Variants in GALNT17 observed in about 807,000 individuals in gnomAD.
GALNT17 encodes polypeptide N-acetylgalactosaminyltransferase 17.
GALNT17 carries 29 observed loss-of-function variants against 63.7 expected under a neutral mutation model. The ratio of observed to expected loss-of-function variants is 0.46; its 90% CI spans 0.34 to 0.62. The LOEUF (loss-of-function observed/expected upper bound fraction) is 0.62, where lower values mean the gene tolerates loss of function less well. Among genes scored for constraint, GALNT17 ranks in the 20% least tolerant of loss-of-function variants. The probability of loss-of-function intolerance (pLI) is 0.01; values close to 1 mark genes in which losing one functional copy is unlikely to be tolerated. For synonymous variants in GALNT17, 305 were observed against 318.3 expected (o/e 0.96, Z 0.45); for missense variants, 603 against 799.6 (o/e 0.75, Z 2.97).
At chr7:71,621,690 A>G (rs961032655) in intron 6 of GALNT17, among the ~76,000 whole-genome samples, 4 of 152,246 alleles carry the variant, frequency 2.6e-5, no homozygotes, top group African/African-American at 9.6e-5. Flanking sequence ...TGGACAACAG[A>G]TAAAAATATT....
In GALNT17 at chr7:71,559,897, CA is replaced by C. The variant is rs749844466; in HGVS notation, c.963-11375del. Among the ~76,000 whole-genome samples, 411 of 97,436 alleles carry C rather than the reference CA, an allele frequency of 4.2e-3. 2 individuals carry two copies. Among genetic ancestry groups the C allele is most frequent in the African/African-American group, 0.012 (257 of 21,588 alleles). The allele number at this position is 97,436 out of a possible 152,430, so 63.9% of individuals were successfully genotyped here. A position where few individuals can be genotyped will look rare whatever the true frequency, so the allele number is the denominator to read the frequency against. ...AGAAACACATTTTCAACATTAAAAA[CA>C]AAAAAAAAAAAATCAGCCAGGCGCG... On this transcript the variant is annotated intron_variant, in intron 5 of 10. Coordinates refer to ENST00000333538, the MANE Select transcript of GALNT17 (RefSeq NM_022479.3).
At chr7:71,166,616 C>G (rs2116270208) in intron 1 of GALNT17, among the ~76,000 whole-genome samples, 1 of 152,278 alleles carries the variant, frequency 6.6e-6, no homozygotes, top group East Asian at 1.9e-4. Context: ...AGCACATATT[C>G]TTTTTTGTCT....
intron 1 of GALNT17, among the ~76,000 whole-genome samples, chr7:71,265,889 C>T (rs764112736): frequency 6.6e-6 from 1 of 152,168 alleles, no homozygotes; most frequent in Non-Finnish European, 1.5e-5. Flanking sequence ...AAACACCACA[C>T]ATTTATTCTT....
chr7:71,179,465 T>C (rs1402193446), intron 1 of GALNT17, among the ~76,000 whole-genome samples: 2 of 152,252 alleles, frequency 1.3e-5, no homozygotes, highest in African/African-American at 2.4e-5. Flanking sequence ...TCCTCAACTT[T>C]GGCAGAATAA....
At chr7:71,554,509 C>T (rs1789130731) in intron 5 of GALNT17, among the ~76,000 whole-genome samples, 1 of 152,162 alleles carries the variant, frequency 6.6e-6, no homozygotes, top group South Asian at 2.1e-4. Context: ...TACACCTCCC[C>T]TTCGCCTGGG....
chr7:71,368,466 A>G (rs1176324014), intron 2 of GALNT17, among the ~76,000 whole-genome samples: 1 of 152,030 alleles, frequency 6.6e-6, no homozygotes, highest in East Asian at 1.9e-4. Flanking sequence ...TCACCTGGAA[A>G]TTACTTACTC....
chr7:71,612,480 G>T (rs990602227), intron 6 of GALNT17, among the ~76,000 whole-genome samples: 1 of 152,246 alleles, frequency 6.6e-6, no homozygotes, highest in Non-Finnish European at 1.5e-5. Context: ...AATGCGTAAA[G>T]AAGAGGTTGT....
At chr7:71,458,422 A>G (rs1787392635) in intron 5 of GALNT17, among the ~76,000 whole-genome samples, 1 of 152,160 alleles carries the variant, frequency 6.6e-6, no homozygotes, top group African/African-American at 2.4e-5. Flanking sequence ...GGTAGCATCT[A>G]AGATGGGTGC....
intron 6 of GALNT17, among the ~76,000 whole-genome samples, chr7:71,629,101 G>A (rs780070287): frequency 2.0e-5 from 3 of 152,118 alleles, no homozygotes; most frequent in Non-Finnish European, 4.4e-5. Flanking sequence ...GAGTTGGCTG[G>A]TGGAGAAGAA....
intron 5 of GALNT17, among the ~76,000 whole-genome samples, chr7:71,535,985 G>A (rs1005578297): frequency 6.6e-6 from 1 of 152,188 alleles, no homozygotes; most frequent in East Asian, 1.9e-4. Context: ...TAACACCGCA[G>A]CCAGGCCATT....
intron 1 of GALNT17, among the ~76,000 whole-genome samples, chr7:71,230,452 A>T (rs1228837326): frequency 6.6e-6 from 1 of 152,118 alleles, no homozygotes. Flanking sequence ...CAGCATCAGG[A>T]GAACAACAGC....
At chr7:71,471,093 T>C (rs1252395681) in intron 5 of GALNT17, among the ~76,000 whole-genome samples, 2 of 152,062 alleles carry the variant, frequency 1.3e-5, no homozygotes, top group South Asian at 2.1e-4. Flanking sequence ...GTTTTTTTTC[T>C]TTTCCCCAGT....
At chr7:71,381,278 A>G (rs1792842660) in intron 2 of GALNT17, among the ~76,000 whole-genome samples, 2 of 151,760 alleles carry the variant, frequency 1.3e-5, no homozygotes, top group African/African-American at 2.4e-5. Context: ...AGGGATTTTT[A>G]TTTCTAACAA....
rs1787707447 is a variant in GALNT17 at position 71,132,808 on chromosome 7, T to C, written c.6T>C (p.Ala2=). The change falls in exon 1 of 11, where the codon GCT becomes GCC. Residue 2 remains alanine, a synonymous_variant. Coordinates refer to ENST00000333538, the MANE Select transcript of GALNT17 (RefSeq NM_022479.3). ...AGGGCCGGCCGGGCTGTTTGATGGC[T>C]TCACTGAGAAGAGTCAAAGTGCTGT... The part of the protein sequence containing the change: M[A]SLRRVKVLLV... The C allele has an allele frequency of 6.2e-7, 1 of 1,602,358 alleles. No homozygotes were observed. The highest frequency in any genetic ancestry group is 1.1e-5 in the South Asian group (1 of 89,768).
At chr7:71,249,024 G>T (rs1790150463) in intron 1 of GALNT17, among the ~76,000 whole-genome samples, 1 of 152,198 alleles carries the variant, frequency 6.6e-6, no homozygotes, top group Non-Finnish European at 1.5e-5. Flanking sequence ...TCAGTCAACA[G>T]TAGCTGGTAA....
chr7:71,322,931 A>G (rs976818792), intron 1 of GALNT17, among the ~76,000 whole-genome samples: 7 of 152,124 alleles, frequency 4.6e-5, no homozygotes, highest in Non-Finnish European at 7.3e-5. Context: ...CTCTCCATCT[A>G]TGGCATTTTG....
At chr7:71,458,127 C>T (rs1026412564) in intron 5 of GALNT17, among the ~76,000 whole-genome samples, 5 of 152,158 alleles carry the variant, frequency 3.3e-5, no homozygotes, top group Non-Finnish European at 7.3e-5. Flanking sequence ...GCTCAGGCAG[C>T]AGGCTTGGCC....
chr7:71,641,553 C>T (rs1031660313), intron 6 of GALNT17, among the ~76,000 whole-genome samples: 6 of 152,106 alleles, frequency 3.9e-5, no homozygotes, highest in Middle Eastern at 3.4e-3. Context: ...AATGTCCTCA[C>T]GTAGTGGAAG....
At chr7:71,488,822 T>A (rs1787956771) in intron 5 of GALNT17, among the ~76,000 whole-genome samples, 1 of 147,012 alleles carries the variant, frequency 6.8e-6, no homozygotes. Flanking sequence ...CCTCAAGTGA[T>A]CCACCTGCCT....
Sources: gnomAD v4.1 joint callset for allele counts (sites outside exome capture counted in the v4.1 genomes callset) on GRCh38, gnomAD v4.1.1 for gene constraint, MANE v1.5 for transcripts, NCBI Gene and HGNC (gene_info 2026-07-23, HGNC 2026-07-21) for gene names.